IL27RA: variants seen among roughly 807,000 people sequenced by gnomAD.
IL27RA encodes the protein interleukin 27 receptor subunit alpha.
In IL27RA, 61 loss-of-function variants were observed where a neutral mutation model predicts 80.8. The observed-to-expected ratio is 0.76, with a 90% CI of 0.61 to 0.93. The LOEUF is 0.93. Ranked by LOEUF, IL27RA falls within the 40% of genes least tolerant of loss-of-function variation. The probability of loss-of-function intolerance (pLI) is 0.00; values close to 1 mark genes in which losing one functional copy is unlikely to be tolerated. For synonymous variants in IL27RA, 316 were observed against 332.5 expected (o/e 0.95, Z 0.54); for missense variants, 735 against 808.1 (o/e 0.91, Z 1.10).
At chr19:14,033,093 C>CTTT (rs1010935225) in intron 2 of IL27RA, among the ~76,000 whole-genome samples, 3 of 117,204 alleles carry the variant, frequency 2.6e-5, no homozygotes, top group African/African-American at 1.0e-4. Flanking sequence ...GAGCCCGTCA[C>CTTT]TTTTTTTTTT....
chr19:14,052,047 G>A (rs1976177375), intron 13 of IL27RA, 49 bp from the exon 14 acceptor site: 1 of 1,587,990 alleles, frequency 6.3e-7, no homozygotes. Flanking sequence ...AGGGGGTGAG[G>A]TGTGGGTCGG....
Position 14,032,486 on chromosome 19 carries a change from C to A in IL27RA, c.201C>A (p.His67Gln). 7 of 1,612,700 alleles carry A rather than the reference C, an allele frequency of 4.3e-6. No individual in the cohort carries two copies. The highest frequency in any genetic ancestry group is 5.9e-6 in the Non-Finnish European group (7 of 1,178,940). The change falls in exon 2 of 14, where the codon CAC becomes CAA. Residue 67 changes from histidine (H) to glutamine (Q), a missense_variant. Physicochemically the swap from His to Gln is conservative, Grantham distance 24 (BLOSUM62 0). Coordinates refer to ENST00000263379, the MANE Select transcript of IL27RA (RefSeq NM_004843.4). The part of the protein sequence containing the change: ...LGDLGAPSEL[H>Q]LQSQKYRSNK... Reference sequence around the variant, plus strand: ...ACCTGGGAGCCCCCTCCGAGTTACACCTCCAGAGCCAAAAGTAGTGAGTAC... The same window carrying A: ...ACCTGGGAGCCCCCTCCGAGTTACAACTCCAGAGCCAAAAGTAGTGAGTAC...
chr19:14,052,545 C>T lies in IL27RA; in HGVS notation c.*255C>T. The T allele has an allele frequency of 2.5e-6, 1 of 405,106 alleles. No homozygotes were observed. The highest frequency in any genetic ancestry group is 3.9e-5 in the East Asian group (1 of 25,546). The allele number at this position is 405,106 out of a possible 1,614,324, so 25.1% of individuals were successfully genotyped here. The stretch of plus-strand genomic sequence containing the variant: ...ACATGAAATTGAGAGTGGCAGCTGC[C>T]TGCCAAAATCTGTTCCGCTGTAACA... On this transcript the variant is annotated 3_prime_UTR_variant, in exon 14 of 14. Coordinates refer to ENST00000263379, the MANE Select transcript of IL27RA (RefSeq NM_004843.4).
At position 14,046,470 on chromosome 19, in the gene IL27RA, C is replaced by T. The variant is rs770114302; in HGVS notation, c.993C>T (p.Ile331=). ...CCCGTAGCGTGGCAGTCAGCAGCAT[C>T]GCTGGGAGCACGGAGCTACTGGTGA... The part of the protein sequence containing the change: ...SAPRSVAVSS[I]AGSTELLVTW... Residue 331 remains isoleucine, a synonymous_variant, in exon 8 of 14, where the codon ATC becomes ATT. Coordinates refer to ENST00000263379, the MANE Select transcript of IL27RA (RefSeq NM_004843.4). 2.5e-6 allele frequency: 4 copies of T among 1,614,140 alleles called. No individual in the cohort carries two copies. The highest frequency in any genetic ancestry group is 1.7e-5 in the Admixed American group (1 of 60,004).
At position 14,039,868 on chromosome 19, in the gene IL27RA, C is replaced by G; in HGVS notation, c.492C>G (p.Cys164Trp). 1 of 1,614,146 alleles carries G rather than the reference C, an allele frequency of 6.2e-7. No homozygotes were observed. The stretch of plus-strand genomic sequence containing the variant: ...GGCCATCTCATAAAGTTCTGATCTG[C>G]CAGTTCCACTACCGAAGATGTCAGG... Reference protein sequence around the residue: ...PTWPSHKVLICQFHYRRCQEA... With the variant: ...PTWPSHKVLIWQFHYRRCQEA... The change falls in exon 4 of 14, where the codon TGC becomes TGG. Residue 164 changes from cysteine to tryptophan, a missense_variant. By Grantham distance (215) the Cys-to-Trp change is radical. Transcript: ENST00000263379.
chr19:14,052,188 C>A lies in IL27RA; in HGVS notation c.1809C>A (p.Ala603=). 6.2e-7 allele frequency: 1 copy of A among 1,611,726 alleles called. No homozygotes were observed. The highest frequency in any genetic ancestry group is 8.5e-7 in the Non-Finnish European group (1 of 1,178,974). The part of the protein sequence containing the change: ...PPPVMESSQP[A]QATAPLDSGY... Reference sequence around the variant, plus strand: ...CGGTTATGGAGTCCTCCCAGCCCGCCCAGGCCACCGCCCCGCTTGACTCTG... The same window carrying A: ...CGGTTATGGAGTCCTCCCAGCCCGCACAGGCCACCGCCCCGCTTGACTCTG... Residue 603 remains alanine (A), a synonymous_variant, in exon 14 of 14, where the codon GCC becomes GCA. Coordinates refer to ENST00000263379, the MANE Select transcript of IL27RA (RefSeq NM_004843.4).
chr19:14,047,358 C>CA (rs532249218), intron 8 of IL27RA, among the ~76,000 whole-genome samples: 1 of 129,686 alleles, frequency 7.7e-6, no homozygotes, highest in Non-Finnish European at 1.7e-5. Flanking sequence ...CCTAACTTTT[C>CA]TTTTTTTTTT....
chr19:14,051,767 C>T lies in IL27RA; in HGVS notation c.1622+67C>T, dbSNP rs1976169100. 2.8e-6 allele frequency: 4 copies of T among 1,449,882 alleles called. No homozygotes were observed. In the East Asian group the frequency reaches 9.2e-5, roughly 33 times the overall value. The allele number at this position is 1,449,882 out of a possible 1,614,324, so 89.8% of individuals were successfully genotyped here. A position where few individuals can be genotyped will look rare whatever the true frequency, so the allele number is the denominator to read the frequency against. ...GGCAGCTGGGCATTTTGCTGAGCTT[C>T]CAGGGGGCTTGAAGGGAGGCCTCAG... is the stretch of plus-strand genomic sequence containing the variant. On this transcript the variant is annotated intron_variant, in intron 12 of 13. Coordinates refer to ENST00000263379, the MANE Select transcript of IL27RA (RefSeq NM_004843.4).
intron 6 of IL27RA, among the ~76,000 whole-genome samples, chr19:14,045,774 T>C (rs1032065307): frequency 5.3e-5 from 8 of 151,096 alleles, no homozygotes; most frequent in Admixed American, 2.0e-4. Flanking sequence ...CCTGTAATCC[T>C]AGCACTTTGG....
intron 8 of IL27RA, among the ~76,000 whole-genome samples, chr19:14,047,958 G>T (rs922739382): frequency 1.3e-5 from 2 of 149,516 alleles, no homozygotes; most frequent in African/African-American, 4.9e-5. Context: ...CACCGCACCC[G>T]GCATTTTTTT....
chr19:14,048,710 C>G (rs2145695851), intron 8 of IL27RA, among the ~76,000 whole-genome samples: 1 of 152,302 alleles, frequency 6.6e-6, no homozygotes, highest in East Asian at 1.9e-4. Flanking sequence ...TCCCCCTGAG[C>G]TGGGCTGACT....
At chr19:14,051,021 G>C (rs953109152) in intron 11 of IL27RA, 138 bp downstream of exon 11, 4 of 868,186 alleles carry the variant, frequency 4.6e-6, no homozygotes, top group East Asian at 5.9e-5. Context: ...GGCTGAGGCA[G>C]GTGGATCACT....
At chr19:14,034,927 T>C (rs1482203351) in intron 2 of IL27RA, among the ~76,000 whole-genome samples, 1 of 149,408 alleles carries the variant, frequency 6.7e-6, no homozygotes, top group Non-Finnish European at 1.5e-5. Flanking sequence ...CACTCCAGCC[T>C]GGGCAACAGA....
In IL27RA at chr19:14,049,174, C is replaced by T. The variant is rs758109268; in HGVS notation, c.1262C>T (p.Thr421Met). ...REELAPLVGP[T>M]LWRLQDAPPG... ...TCCCCAGCACCCCTAGTGGGGCCAA[C>T]GCTTTGGCGACTCCAAGATGCCCCT... The change falls in exon 10 of 14, where the codon ACG becomes ATG. Residue 421 changes from threonine (T) to methionine (M), a missense_variant. Transcript: ENST00000263379. 2.7e-5 allele frequency: 43 copies of T among 1,613,850 alleles called. No homozygotes were observed. The East Asian group carries it at 3.6e-4, about 13-fold the overall frequency.
chr19:14,050,407 C>T (rs994819603), intron 10 of IL27RA, among the ~76,000 whole-genome samples: 3 of 150,608 alleles, frequency 2.0e-5, no homozygotes, highest in African/African-American at 7.3e-5. Context: ...GAGGCTAAGA[C>T]AGCAGAATTG....
At chr19:14,045,076 C>T (rs1391432584) in intron 6 of IL27RA, among the ~76,000 whole-genome samples, 9 of 148,880 alleles carry the variant, frequency 6.0e-5, no homozygotes, top group South Asian at 2.1e-4. Flanking sequence ...GCTCAGATTG[C>T]GCCACTGCAC....
In IL27RA at chr19:14,033,962, T is replaced by C. The variant is rs1975859983; in HGVS notation, c.218+1459T>C. ...CTGGCCGACAGAGCGAGACTCCATC[T>C]CAAAAACACTAAAAATAAAAAATAA... On this transcript the variant is annotated intron_variant, in intron 2 of 13. Transcript: ENST00000263379. Among the ~76,000 whole-genome samples the C allele has an allele frequency of 2.0e-5, 3 of 152,000 alleles. No individual in the cohort carries two copies. The South Asian group carries it at 6.2e-4, about 32-fold the overall frequency.
chr19:14,035,408 T>A (rs1004178339), intron 2 of IL27RA, among the ~76,000 whole-genome samples: 2 of 151,364 alleles, frequency 1.3e-5, no homozygotes, highest in African/African-American at 4.9e-5. Context: ...AGTTTTTTTT[T>A]ATTTGAGATG....
rs114140175 is a variant in IL27RA at position 14,042,435 on chromosome 19, C to T, written c.535-18C>T. On this transcript the variant is annotated intron_variant, in intron 4 of 13. Transcript: ENST00000263379. ...ACTCAGGCCCTGGGCCCATCACGCTCGCCTGTCTCTCCCCCAGCTGGAACC... is the reference window on the plus strand; with the variant it reads ...ACTCAGGCCCTGGGCCCATCACGCTTGCCTGTCTCTCCCCCAGCTGGAACC... 23 of 1,611,542 alleles carry T rather than the reference C, an allele frequency of 1.4e-5. No homozygotes were observed. Among genetic ancestry groups the T allele is most frequent in the East Asian group, 2.2e-5 (1 of 44,818 alleles).
Sources: gnomAD v4.1 joint callset for allele counts (sites outside exome capture counted in the v4.1 genomes callset) on GRCh38, gnomAD v4.1.1 for gene constraint, MANE v1.5 for transcripts, NCBI Gene and HGNC (gene_info 2026-07-23, HGNC 2026-07-21) for gene names.